The following DGKD variants were observed in gnomAD, a reference collection of about 807,000 sequenced individuals.
DGKD encodes the protein diacylglycerol kinase delta, also known as DAG kinase delta.
Under a neutral mutation model 154.4 loss-of-function variants are expected in DGKD, and 68 were observed. That is an observed-to-expected ratio of 0.44 (90% CI 0.36 to 0.54). The LOEUF (loss-of-function observed/expected upper bound fraction) is 0.54. Ranked by LOEUF, DGKD falls within the 20% of genes least tolerant of loss-of-function variation. The pLI is 0.00. For missense variants in DGKD, 1,343 were observed against 1,593.6 expected (o/e 0.84, Z 2.68); for synonymous variants, 693 against 638.0 (o/e 1.09, Z -1.30).
chr2:233,460,911 CAAA>C (rs1559179488), intron 24 of DGKD, among the ~76,000 whole-genome samples: 2 of 151,530 alleles, frequency 1.3e-5, no homozygotes, highest in Non-Finnish European at 2.9e-5. Context: ...CAAAACAAAA[CAAA>C]AAAACCCTGC....
chr2:233,463,596 G>A (rs1193967503), intron 26 of DGKD, among the ~76,000 whole-genome samples: 7 of 135,612 alleles, frequency 5.2e-5, no homozygotes, highest in African/African-American at 2.1e-4. Context: ...CTCACTCCAC[G>A]CATCTCCTCA....
At chr2:233,401,063 C>T (rs951962591) in intron 3 of DGKD, among the ~76,000 whole-genome samples, 2 of 151,928 alleles carry the variant, frequency 1.3e-5, no homozygotes, top group African/African-American at 2.4e-5. Flanking sequence ...AAGTACGGGA[C>T]TCTGCAAGGT....
intron 27 of DGKD, among the ~76,000 whole-genome samples, chr2:233,465,397 C>G (rs377334117): frequency 6.6e-6 from 1 of 152,126 alleles, no homozygotes. Flanking sequence ...CCTCCTCTTA[C>G]AGTGGAAGAA....
intron 1 of DGKD, among the ~76,000 whole-genome samples, chr2:233,360,310 G>A (rs565248037): frequency 1.3e-5 from 2 of 152,172 alleles, no homozygotes; most frequent in Admixed American, 1.3e-4. Flanking sequence ...GGTCGTCCAG[G>A]CTGGAGTGCA....
intron 1 of DGKD, among the ~76,000 whole-genome samples, chr2:233,368,969 C>T (rs1702177345): frequency 6.6e-6 from 1 of 152,192 alleles, no homozygotes; most frequent in South Asian, 2.1e-4. Flanking sequence ...CATTTCCTGC[C>T]AGTCCTGGGA....
In DGKD at chr2:233,434,831, G is replaced by T. The variant is rs143682023; in HGVS notation, c.516G>T (p.Ala172=). The change falls in exon 5 of 30, where the codon GCG becomes GCT. Residue 172 remains alanine (A), a synonymous_variant. Coordinates refer to ENST00000264057, the MANE Select transcript of DGKD (RefSeq NM_152879.3). ...ACAATTGGTACGCCTGTTCCCACGC[G>T]AGGCCGACCTACTGCAATGTGTGCC... The part of the protein sequence containing the change: ...GMHNWYACSH[A]RPTYCNVCRE... 3.1e-6 allele frequency: 5 copies of T among 1,614,064 alleles called. No homozygotes were observed. In the Admixed American group the frequency reaches 5.0e-5, roughly 16 times the overall value.
intron 7 of DGKD, among the ~76,000 whole-genome samples, chr2:233,436,912 C>T (rs1232930252): frequency 6.6e-6 from 1 of 152,210 alleles, no homozygotes; most frequent in African/African-American, 2.4e-5. Context: ...AGATGTGCTT[C>T]CAGGGAGAGA....
intron 1 of DGKD, among the ~76,000 whole-genome samples, chr2:233,363,396 T>G (rs1701876371): frequency 6.6e-6 from 1 of 152,130 alleles, no homozygotes; most frequent in African/African-American, 2.4e-5. Flanking sequence ...AAGAAAATAC[T>G]TTTGTACAAG....
At chr2:233,432,585 A>G (rs944164137) in intron 3 of DGKD, among the ~76,000 whole-genome samples, 21 of 152,170 alleles carry the variant, frequency 1.4e-4, no homozygotes, top group Non-Finnish European at 7.4e-5. Flanking sequence ...CATGAACCCA[A>G]GAGGCGGAGT....
rs938034425 is a variant in DGKD at position 233,454,754 on chromosome 2, C to T, written c.2265-9C>T. 1 of 1,564,144 alleles carries T rather than the reference C, an allele frequency of 6.4e-7. No individual in the cohort carries two copies. The highest frequency in any genetic ancestry group is 8.8e-7 in the Non-Finnish European group (1 of 1,134,820). The stretch of plus-strand genomic sequence containing the variant: ...GCTGTTGTAATTGATTTAAAACTCA[C>T]CTTTGCAGAGAGTATTACACGGAGA... On this transcript the variant is annotated splice_polypyrimidine_tract_variant and intron_variant, in intron 18 of 29. Coordinates refer to ENST00000264057, the MANE Select transcript of DGKD (RefSeq NM_152879.3).
chr2:233,404,303 T>C (rs2061628733), intron 3 of DGKD, among the ~76,000 whole-genome samples: 1 of 152,212 alleles, frequency 6.6e-6, no homozygotes, highest in Non-Finnish European at 1.5e-5. Context: ...GAACTGAGAA[T>C]GTTTCAGTTT....
At chr2:233,401,179 T>C (rs2061550059) in intron 3 of DGKD, among the ~76,000 whole-genome samples, 1 of 151,924 alleles carries the variant, frequency 6.6e-6, no homozygotes, top group South Asian at 2.1e-4. Flanking sequence ...CATTTTCTCA[T>C]CTGAGAAATG....
At position 233,459,221 on chromosome 2, in the gene DGKD, G is replaced by A. The variant is rs1230396444; in HGVS notation, c.2695-536G>A. On this transcript the variant is annotated intron_variant, in intron 22 of 29. Transcript: ENST00000264057. The surrounding 1 kb of genome is among the most constrained non-coding windows in gnomAD (Gnocchi z 5.7). ...GGCACAGGCACTGGGGCGGGGGAGGGTGCTGATGACACCCACTGGCTGAAC... is the reference window on the plus strand; with the variant it reads ...GGCACAGGCACTGGGGCGGGGGAGGATGCTGATGACACCCACTGGCTGAAC... Among the ~76,000 whole-genome samples, 1 of 152,152 alleles carries A rather than the reference G, an allele frequency of 6.6e-6. No individual in the cohort carries two copies. The highest frequency in any genetic ancestry group is 1.5e-5 in the Non-Finnish European group (1 of 68,022).
intron 3 of DGKD, chr2:233,419,331 C>CT: frequency 5.1e-6 from 5 of 985,490 alleles, no homozygotes; most frequent in Non-Finnish European, 6.0e-6. Context: ...TGCCCATTGA[C>CT]TTTAACACCC....
chr2:233,401,703 T>A (rs2061561001), intron 3 of DGKD, among the ~76,000 whole-genome samples: 1 of 151,968 alleles, frequency 6.6e-6, no homozygotes, highest in Admixed American at 6.6e-5. Flanking sequence ...GTGGTTCAAC[T>A]GAGGACAGGA....
chr2:233,388,224 C>T (rs752404178), intron 1 of DGKD, 33 bp from the exon 2 acceptor site: 14 of 1,597,110 alleles, frequency 8.8e-6, no homozygotes, highest in South Asian at 2.3e-5. Context: ...ACCTTGAAAA[C>T]GCAAGTTTAT....
intron 3 of DGKD, among the ~76,000 whole-genome samples, chr2:233,394,279 A>G (rs539343527): frequency 5.3e-5 from 8 of 152,086 alleles, no homozygotes; most frequent in South Asian, 4.1e-4. Flanking sequence ...GTCTTGCTCT[A>G]TCACCTGGGT....
chr2:233,420,509 C>T (rs1266800032), intron 3 of DGKD, among the ~76,000 whole-genome samples: 1 of 152,166 alleles, frequency 6.6e-6, no homozygotes, highest in Non-Finnish European at 1.5e-5. Flanking sequence ...TGGTGTTTGT[C>T]ATTTGTTTTC....
chr2:233,408,403 C>T (rs961089180), intron 3 of DGKD, among the ~76,000 whole-genome samples: 5 of 152,204 alleles, frequency 3.3e-5, no homozygotes, highest in Admixed American at 1.3e-4. Context: ...AACTGCTGGC[C>T]CAGGTCTGGG....
Sources: allele counts gnomAD v4.1 joint callset (sites outside exome capture counted in the v4.1 genomes callset), GRCh38; gene constraint gnomAD v4.1.1; non-coding constraint Gnocchi (gnomAD v3.1); transcripts MANE v1.5; gene names NCBI Gene and HGNC (gene_info 2026-07-23, HGNC 2026-07-21).